FSHR: variants seen among roughly 807,000 people sequenced by gnomAD.
The protein encoded by FSHR is follicle stimulating hormone receptor.
FSHR carries 46 observed loss-of-function variants against 52.1 expected under a neutral mutation model. The ratio of observed to expected loss-of-function variants is 0.88; its 90% CI spans 0.70 to 1.13. The LOEUF (loss-of-function observed/expected upper bound fraction) is 1.13, where lower values mean the gene tolerates loss of function less well. FSHR is among the 50% of genes most tolerant of loss of function. The pLI is 0.00. For missense variants in FSHR, 964 were observed against 834.6 expected, an observed-to-expected ratio of 1.16 and a Z score of -1.91; for synonymous variants, 399 against 309.6, an observed-to-expected ratio of 1.29 and a Z score of -3.03.
At chr2:49,007,034 T>C (rs1456398054) in intron 4 of FSHR, among the ~76,000 whole-genome samples, 1 of 152,102 alleles carries the variant, frequency 6.6e-6, no homozygotes, top group Non-Finnish European at 1.5e-5. Context: ...TAATTGATTG[T>C]TGAATGATTG....
chr2:49,134,507 T>C (rs982492321), intron 1 of FSHR, among the ~76,000 whole-genome samples: 7 of 152,266 alleles, frequency 4.6e-5, no homozygotes, highest in East Asian at 1.9e-4. Flanking sequence ...GACAGTGTGG[T>C]GATTCCTCAG....
chr2:49,055,853 G>GA (rs1669042976), intron 2 of FSHR, among the ~76,000 whole-genome samples: 1 of 152,004 alleles, frequency 6.6e-6, no homozygotes, highest in South Asian at 2.1e-4. Context: ...TCATGGACAA[G>GA]AAAAAAATAA....
chr2:49,135,673 C>T (rs546208304), intron 1 of FSHR, among the ~76,000 whole-genome samples: 11 of 152,200 alleles, frequency 7.2e-5, no homozygotes, highest in South Asian at 4.1e-4. Flanking sequence ...AAAAAATTCA[C>T]GCATAACTTC....
chr2:49,138,348 C>T (rs551598733), intron 1 of FSHR, among the ~76,000 whole-genome samples: 6 of 152,256 alleles, frequency 3.9e-5, no homozygotes, highest in Non-Finnish European at 8.8e-5. Flanking sequence ...TATTGCACTC[C>T]TAGGTATACA....
chr2:48,967,970 T>G (rs1274339518), intron 9 of FSHR, among the ~76,000 whole-genome samples: 1 of 152,222 alleles, frequency 6.6e-6, no homozygotes, highest in East Asian at 1.9e-4. Context: ...ACTCTGATAC[T>G]CAGTAAGTTC....
chr2:49,008,060 G>A (rs1667130961), intron 4 of FSHR, among the ~76,000 whole-genome samples: 20 of 149,612 alleles, frequency 1.3e-4, no homozygotes, highest in Middle Eastern at 3.4e-3. Context: ...AAGTTTTAGG[G>A]TACATGTGCA....
At position 48,963,683 on chromosome 2, in the gene FSHR, T is replaced by C; in HGVS notation, c.1138A>G (p.Asn380Asp). The C allele has an allele frequency of 1.9e-6, 3 of 1,614,174 alleles. No individual in the cohort carries two copies. The highest frequency in any genetic ancestry group is 2.5e-6 in the Non-Finnish European group (3 of 1,180,018). ...GTTAGGATCACTAGCACTATGATGTTCCCAGTGATGGCCAGGATGCTGATA... is the reference window on the plus strand; with the variant it reads ...GTTAGGATCACTAGCACTATGATGTCCCCAGTGATGGCCAGGATGCTGATA... Reference protein sequence around the residue: ...WFISILAITGNIIVLVILTTS... With the variant: ...WFISILAITGDIIVLVILTTS... Residue 380 changes from asparagine to aspartate, a missense_variant, in exon 10 of 10, where the codon AAC becomes GAC. Asn to Asp is a conservative substitution (Grantham distance 23). Transcript: ENST00000406846.
chr2:49,100,014 A>G (rs1326360325), intron 1 of FSHR, among the ~76,000 whole-genome samples: 1 of 152,190 alleles, frequency 6.6e-6, no homozygotes, highest in East Asian at 1.9e-4. Flanking sequence ...ATTTGTGAGC[A>G]CTAATAATAA....
intron 1 of FSHR, among the ~76,000 whole-genome samples, chr2:49,150,015 G>A (rs953785713): frequency 6.6e-6 from 1 of 151,986 alleles, no homozygotes; most frequent in South Asian, 2.1e-4. Flanking sequence ...CCATACTGTT[G>A]CCTAGACTTC....
At chr2:49,035,842 C>T (rs892540487) in intron 2 of FSHR, among the ~76,000 whole-genome samples, 2 of 152,194 alleles carry the variant, frequency 1.3e-5, no homozygotes, top group African/African-American at 2.4e-5. Flanking sequence ...TTCAAGCACT[C>T]TGAGAAGCCA....
chr2:49,114,883 G>C (rs1671546404), intron 1 of FSHR, among the ~76,000 whole-genome samples: 1 of 151,996 alleles, frequency 6.6e-6, no homozygotes, highest in Non-Finnish European at 1.5e-5. Flanking sequence ...AATCAATGTG[G>C]TATGAGGAAA....
intron 1 of FSHR, among the ~76,000 whole-genome samples, chr2:49,134,903 T>G (rs1004577385): frequency 6.6e-6 from 1 of 151,638 alleles, no homozygotes; most frequent in African/African-American, 2.4e-5. Flanking sequence ...CATCACACTC[T>G]GGGGACTGTT....
At chr2:49,093,999 A>G (rs1433422320) in intron 1 of FSHR, among the ~76,000 whole-genome samples, 1 of 152,128 alleles carries the variant, frequency 6.6e-6, no homozygotes, top group Non-Finnish European at 1.5e-5. Context: ...ACACATAATT[A>G]TTAATATCTT....
At chr2:49,018,125 G>T in intron 3 of FSHR, among the ~76,000 whole-genome samples, 1 of 152,108 alleles carries the variant, frequency 6.6e-6, no homozygotes, top group East Asian at 1.9e-4. Context: ...AAAAACAATC[G>T]ATATCTTTTT....
intron 1 of FSHR, among the ~76,000 whole-genome samples, chr2:49,136,571 C>T (rs559253407): frequency 6.6e-6 from 1 of 152,156 alleles, no homozygotes; most frequent in South Asian, 2.1e-4. Flanking sequence ...AGTAAAACTA[C>T]AGACTAGTAT....
At chr2:49,111,165 T>C (rs1671407770) in intron 1 of FSHR, among the ~76,000 whole-genome samples, 1 of 152,220 alleles carries the variant, frequency 6.6e-6, no homozygotes, top group South Asian at 2.1e-4. Context: ...AGCCATGTTC[T>C]ATATGTTGGA....
chr2:49,153,642 C>T (rs562818477), intron 1 of FSHR, among the ~76,000 whole-genome samples: 3 of 152,238 alleles, frequency 2.0e-5, no homozygotes, highest in African/African-American at 7.2e-5. Context: ...AAGTAAATTT[C>T]TAACTTATTA....
At chr2:49,072,289 A>C (rs1332367960) in intron 1 of FSHR, among the ~76,000 whole-genome samples, 1 of 152,140 alleles carries the variant, frequency 6.6e-6, no homozygotes, top group African/African-American at 2.4e-5. Context: ...TGGGTCAAAG[A>C]AGACATCGCA....
At chr2:49,127,059 G>A (rs1421414124) in intron 1 of FSHR, among the ~76,000 whole-genome samples, 2 of 152,226 alleles carry the variant, frequency 1.3e-5, no homozygotes, top group African/African-American at 4.8e-5. Flanking sequence ...CAGGTGCAGT[G>A]GCTCATGCCT....
Sources: gnomAD v4.1 joint callset for allele counts (sites outside exome capture counted in the v4.1 genomes callset) on GRCh38, gnomAD v4.1.1 for gene constraint, MANE v1.5 for transcripts, NCBI Gene and HGNC (gene_info 2026-07-23, HGNC 2026-07-21) for gene names.